Variants in ADAMTS20 observed in about 807,000 individuals in gnomAD.
ADAMTS20 encodes ADAM metallopeptidase with thrombospondin type 1 motif 20, also known as A disintegrin and metalloproteinase with thrombospondin motifs 20.
In ADAMTS20, 225 loss-of-function variants were observed where a neutral mutation model predicts 260.1. The observed-to-expected ratio is 0.87, with a 90% CI of 0.78 to 0.97. The LOEUF (loss-of-function observed/expected upper bound fraction) is 0.97, where lower values mean the gene tolerates loss of function less well. ADAMTS20 is among the 50% of genes least tolerant of loss of function. The pLI, the probability that ADAMTS20 is intolerant of heterozygous loss-of-function variation, is 0.00. For missense variants in ADAMTS20, 2,400 were observed against 2,337.7 expected (o/e 1.03, Z -0.55); for synonymous variants, 802 against 769.5 (o/e 1.04, Z -0.70).
chr12:43,494,908 A>G (rs1335488632), intron 4 of ADAMTS20, among the ~76,000 whole-genome samples: 22 of 152,310 alleles, frequency 1.4e-4, no homozygotes, highest in Admixed American at 1.3e-4. Flanking sequence ...GTATTTATAA[A>G]AGCTCTTTTT....
chr12:43,455,344 C>A (rs1177984545), intron 11 of ADAMTS20, among the ~76,000 whole-genome samples: 1 of 152,146 alleles, frequency 6.6e-6, no homozygotes. Flanking sequence ...GGTCTGAGAT[C>A]TGGGAAATCT....
chr12:43,484,980 C>T (rs2137419319), intron 7 of ADAMTS20, among the ~76,000 whole-genome samples: 1 of 150,954 alleles, frequency 6.6e-6, no homozygotes, highest in Admixed American at 6.6e-5. Context: ...GACATTCAAA[C>T]AAGAATTAGT....
chr12:43,426,265 ATC>A (rs1941331769), intron 27 of ADAMTS20, among the ~76,000 whole-genome samples: 1 of 152,206 alleles, frequency 6.6e-6, no homozygotes, highest in African/African-American at 2.4e-5. Flanking sequence ...AAAAGTTTGT[ATC>A]TCTATTTGGA....
At position 43,452,694 on chromosome 12, in the gene ADAMTS20, G is replaced by A. The variant is rs547435767; in HGVS notation, c.1762C>T (p.Pro588Ser). 1.9e-6 allele frequency: 3 copies of A among 1,597,790 alleles called. No individual in the cohort carries two copies. The highest frequency in any genetic ancestry group is 1.7e-5 in the Admixed American group (1 of 59,050). ...ACACAGTAATTTCCTCCGTTTCTTG[G>A]CCTAGTCAAATTCATTACATTTTAA... ...SATRRCNRPE[P>S]RNGGNYCVGR... The change falls in exon 13 of 39, where the codon CCA becomes TCA. Residue 588 changes from proline (P) to serine (S), a missense_variant and splice_region_variant. By Grantham distance (74) the Pro-to-Ser change is moderately conservative (BLOSUM62 -1). Transcript: ENST00000389420.
rs756963361 is a variant in ADAMTS20, at chr12:43,428,569, A to T, written c.3655-38T>A. On this transcript the variant is annotated intron_variant, in intron 25 of 38. Coordinates refer to ENST00000389420, the MANE Select transcript of ADAMTS20 (RefSeq NM_025003.5). ...TTAGCCAATGGTAATATACAACATT[A>T]ATTTATATTTAATATCAAATATATT... is the stretch of plus-strand genomic sequence containing the variant. The T allele has an allele frequency of 9.9e-6, 15 of 1,515,170 alleles. No homozygotes were observed. The Admixed American group carries it at 3.1e-4, about 31-fold the overall frequency. 93.9% of individuals were successfully genotyped at this position (1,515,170 alleles called of 1,614,324 possible).
chr12:43,477,237 A>G (rs1357723920), intron 7 of ADAMTS20, among the ~76,000 whole-genome samples: 3 of 152,124 alleles, frequency 2.0e-5, no homozygotes, highest in Non-Finnish European at 4.4e-5. Context: ...TTCTATAGGA[A>G]TAGTCCAGAA....
intron 2 of ADAMTS20, among the ~76,000 whole-genome samples, chr12:43,544,395 T>C (rs2137526776): frequency 6.6e-6 from 1 of 152,352 alleles, no homozygotes; most frequent in Admixed American, 6.5e-5. Flanking sequence ...TTGCTCAACA[T>C]GTGTTGAGCA....
At chr12:43,363,215 CT>C (rs1257203584) in intron 37 of ADAMTS20, among the ~76,000 whole-genome samples, 1 of 152,026 alleles carries the variant, frequency 6.6e-6, no homozygotes. Flanking sequence ...CCATTTCCCC[CT>C]AGCTCCCTGT....
chr12:43,478,716 A>T (rs184296530), intron 7 of ADAMTS20, among the ~76,000 whole-genome samples: 111 of 152,318 alleles, frequency 7.3e-4, no homozygotes, highest in Non-Finnish European at 4.6e-4. Flanking sequence ...CATATATTCA[A>T]GATATTGAGA....
At chr12:43,433,276 A>G (rs779021138) in intron 19 of ADAMTS20, among the ~76,000 whole-genome samples, 4 of 152,176 alleles carry the variant, frequency 2.6e-5, no homozygotes, top group Non-Finnish European at 5.9e-5. Context: ...CATTCCTGTA[A>G]TCTATATTTA....
intron 29 of ADAMTS20, among the ~76,000 whole-genome samples, chr12:43,396,325 T>C (rs1479647875): frequency 6.6e-6 from 1 of 152,146 alleles, no homozygotes; most frequent in Non-Finnish European, 1.5e-5. Context: ...AAAATAGTAA[T>C]AAAATGAAAT....
intron 27 of ADAMTS20, among the ~76,000 whole-genome samples, chr12:43,426,321 A>C (rs1289411256): frequency 6.6e-6 from 1 of 152,216 alleles, no homozygotes; most frequent in Non-Finnish European, 1.5e-5. Flanking sequence ...AAACTCAGAA[A>C]TAGAAGTACT....
chr12:43,455,294 G>A (rs1415605025), intron 11 of ADAMTS20, among the ~76,000 whole-genome samples: 8 of 152,182 alleles, frequency 5.3e-5, no homozygotes, highest in Non-Finnish European at 1.0e-4. Flanking sequence ...GAATACCCAA[G>A]ATTGGATAAT....
intron 7 of ADAMTS20, 33 bp downstream of exon 7, chr12:43,490,362 C>G: frequency 9.2e-7 from 1 of 1,084,436 alleles, no homozygotes; most frequent in Non-Finnish European, 1.3e-6. Flanking sequence ...TAAACAATTA[C>G]ATAAGCTAAA....
intron 4 of ADAMTS20, among the ~76,000 whole-genome samples, chr12:43,497,301 C>T (rs1006452522): frequency 1.3e-5 from 2 of 152,076 alleles, no homozygotes; most frequent in Non-Finnish European, 1.5e-5. Flanking sequence ...TCATACAAAG[C>T]ATGAAACAAA....
At position 43,409,601 on chromosome 12, in the gene ADAMTS20, C is replaced by CAAAAAA. The variant is rs67474640; in HGVS notation, c.4285-10374_4285-10369dup. The stretch of plus-strand genomic sequence containing the variant: ...TGGGCGACAGAGCGAGACTCCGTCT[C>CAAAAAA]AAAAAAAAAAAAAAAAAAAAAAAAA... On this transcript the variant is annotated intron_variant, in intron 28 of 38. Coordinates refer to ENST00000389420, the MANE Select transcript of ADAMTS20 (RefSeq NM_025003.5). 5.6e-3 allele frequency among the ~76,000 whole-genome samples: 264 copies of CAAAAAA among 46,896 alleles called. 28 individuals carry two copies. Among genetic ancestry groups the CAAAAAA allele is most frequent in the African/African-American group, 0.018 (125 of 6,960 alleles). The allele number at this position is 46,896 out of a possible 152,430, so 30.8% of individuals were successfully genotyped here. A position where few individuals can be genotyped will look rare whatever the true frequency, so the allele number is the denominator to read the frequency against.
At chr12:43,541,414 T>C (rs753965041) in intron 2 of ADAMTS20, among the ~76,000 whole-genome samples, 19 of 152,180 alleles carry the variant, frequency 1.2e-4, no homozygotes, top group Non-Finnish European at 2.4e-4. Context: ...ATATTAATAA[T>C]AGGAGCTTCA....
chr12:43,438,689 T>C (rs988615950), intron 18 of ADAMTS20, among the ~76,000 whole-genome samples: 1 of 152,174 alleles, frequency 6.6e-6, no homozygotes, highest in Admixed American at 6.5e-5. Flanking sequence ...TGCTGCCCAC[T>C]TTCTATGATA....
At chr12:43,539,108 G>A (rs554231584) in intron 2 of ADAMTS20, among the ~76,000 whole-genome samples, 155 of 151,568 alleles carry the variant, frequency 1.0e-3, no homozygotes, top group African/African-American at 3.6e-3. Flanking sequence ...ACCTGCCACC[G>A]CGCCCAGGTA....
Sources: allele counts gnomAD v4.1 joint callset (sites outside exome capture counted in the v4.1 genomes callset), GRCh38; gene constraint gnomAD v4.1.1; transcripts MANE v1.5; gene names NCBI Gene and HGNC (gene_info 2026-07-23, HGNC 2026-07-21).